Variants in CSNK2A2IP observed in about 807,000 individuals in gnomAD.
CSNK2A2IP encodes the protein casein kinase 2 subunit alpha' interacting protein.
chr3:88,388,307 AT>A, the CSNK2A2IP span, among the ~76,000 whole-genome samples: 1 of 152,192 alleles, frequency 6.6e-6, no homozygotes. Context: ...TCTTCTAGTC[AT>A]TTTTGGTGCT....
chr3:88,345,818 A>T, the CSNK2A2IP span, among the ~76,000 whole-genome samples: 2 of 151,992 alleles, frequency 1.3e-5, no homozygotes, highest in African/African-American at 4.8e-5. Context: ...TGTTCAAATG[A>T]AAGGAAGAGC....
chr3:88,464,728 C>T, the CSNK2A2IP span, among the ~76,000 whole-genome samples: 1 of 151,982 alleles, frequency 6.6e-6, no homozygotes, highest in African/African-American at 2.4e-5. Context: ...TACACAAAAA[C>T]TTATCACAGA....
chr3:88,457,132 C>A, the CSNK2A2IP span, among the ~76,000 whole-genome samples: 2 of 152,168 alleles, frequency 1.3e-5, no homozygotes, highest in South Asian at 4.2e-4. Context: ...ATATAGAATA[C>A]CATTTTGCAT....
the CSNK2A2IP span, among the ~76,000 whole-genome samples, chr3:88,412,122 TACTC>T: frequency 2.6e-5 from 4 of 152,006 alleles, no homozygotes; most frequent in Non-Finnish European, 4.4e-5. Flanking sequence ...CTATGATAGG[TACTC>T]ACTTTATTTT....
At chr3:88,373,477 A>T in the CSNK2A2IP span, among the ~76,000 whole-genome samples, 1 of 151,370 alleles carries the variant, frequency 6.6e-6, no homozygotes, top group South Asian at 2.1e-4. Context: ...TTGGGATATA[A>T]TAAAGTGGTG....
chr3:88,372,891 G>A, the CSNK2A2IP span, among the ~76,000 whole-genome samples: 3 of 151,390 alleles, frequency 2.0e-5, no homozygotes, highest in African/African-American at 4.8e-5. Context: ...AGAGACAGAG[G>A]TGGATATTTC....
chr3:88,461,857 C>T, the CSNK2A2IP span, among the ~76,000 whole-genome samples: 5 of 152,032 alleles, frequency 3.3e-5, no homozygotes, highest in Non-Finnish European at 7.4e-5. Context: ...CCTCCATTCC[C>T]TGGGCTCTGA....
At chr3:88,402,871 T>A in the CSNK2A2IP span, among the ~76,000 whole-genome samples, 2 of 152,060 alleles carry the variant, frequency 1.3e-5, no homozygotes, top group African/African-American at 4.8e-5. Flanking sequence ...TTTTTTGATG[T>A]CTTCTCACAA....
chr3:88,426,422 C>G, the CSNK2A2IP span, among the ~76,000 whole-genome samples: 2 of 152,206 alleles, frequency 1.3e-5, no homozygotes, highest in African/African-American at 4.8e-5. Flanking sequence ...TCAGGTCCTT[C>G]TCCAGCCTTA....
chr3:88,448,930 A>G, the CSNK2A2IP span, among the ~76,000 whole-genome samples: 59 of 152,278 alleles, frequency 3.9e-4, no homozygotes, highest in African/African-American at 1.3e-3. Context: ...TGTTTTTGCA[A>G]TAGTGGTCTT....
the CSNK2A2IP span, among the ~76,000 whole-genome samples, chr3:88,429,640 A>G: frequency 6.6e-6 from 1 of 152,188 alleles, no homozygotes; most frequent in African/African-American, 2.4e-5. Context: ...CAGCTTTTCC[A>G]GGAAGTTTTT....
chr3:88,367,783 C>G, the CSNK2A2IP span, among the ~76,000 whole-genome samples: 1 of 152,016 alleles, frequency 6.6e-6, no homozygotes, highest in Non-Finnish European at 1.5e-5. Flanking sequence ...GGCATATGAA[C>G]CATTGCTAAT....
the CSNK2A2IP span, among the ~76,000 whole-genome samples, chr3:88,361,430 G>A: frequency 7.2e-5 from 11 of 152,106 alleles, no homozygotes; most frequent in Admixed American, 5.2e-4. Context: ...CTTTGAATAT[G>A]TCATTCCACT....
chr3:88,446,495 T>G, the CSNK2A2IP span, among the ~76,000 whole-genome samples: 1 of 152,186 alleles, frequency 6.6e-6, no homozygotes, highest in South Asian at 2.1e-4. Flanking sequence ...TCCAACTGAA[T>G]TTTTCCAATA....
chr3:88,360,801 G>T, the CSNK2A2IP span, among the ~76,000 whole-genome samples: 1 of 145,772 alleles, frequency 6.9e-6, no homozygotes, highest in Non-Finnish European at 1.5e-5. Context: ...TTCTCTGGCA[G>T]TATGTTTTAA....
At chr3:88,357,986 C>A in the CSNK2A2IP span, among the ~76,000 whole-genome samples, 1 of 152,072 alleles carries the variant, frequency 6.6e-6, no homozygotes, top group Non-Finnish European at 1.5e-5. Context: ...CTCTGCCTCT[C>A]AAAATGCTTG....
At chr3:88,381,387 C>T in the CSNK2A2IP span, among the ~76,000 whole-genome samples, 1 of 152,110 alleles carries the variant, frequency 6.6e-6, no homozygotes, top group South Asian at 2.1e-4. Flanking sequence ...CAGGGAGGGG[C>T]AATGAGGCTC....
chr3:88,420,038 C>T, the CSNK2A2IP span, among the ~76,000 whole-genome samples: 1 of 152,130 alleles, frequency 6.6e-6, no homozygotes, highest in Non-Finnish European at 1.5e-5. Flanking sequence ...ATGATAATGC[C>T]CAGGCCCCTA....
At chr3:88,411,404 TC>T in the CSNK2A2IP span, among the ~76,000 whole-genome samples, 1 of 151,416 alleles carries the variant, frequency 6.6e-6, no homozygotes, top group African/African-American at 2.4e-5. Flanking sequence ...TATCTATCTA[TC>T]CATCCATCCA....
Sources: allele counts gnomAD v4.1 joint callset (sites outside exome capture counted in the v4.1 genomes callset), GRCh38; gene constraint gnomAD v4.1.1; transcripts MANE v1.5; gene names NCBI Gene and HGNC (gene_info 2026-07-23, HGNC 2026-07-21).